PPHLN1: variants seen among roughly 807,000 people sequenced by gnomAD.
The protein encoded by PPHLN1 is periphilin 1.
In PPHLN1, 29 loss-of-function variants were observed where a neutral mutation model predicts 51.3. The observed-to-expected ratio is 0.57, with a 90% CI of 0.42 to 0.77. PPHLN1 has a LOEUF of 0.77. Among genes scored for constraint, PPHLN1 ranks in the 30% least tolerant of loss-of-function variants. PPHLN1 has a pLI of 0.00. For synonymous variants in PPHLN1, 147 were observed against 147.8 expected (o/e 0.99, Z 0.04); for missense variants, 436 against 438.4 (o/e 0.99, Z 0.05).
intron 1 of PPHLN1, among the ~76,000 whole-genome samples, chr12:42,333,635 A>C (rs889208283): frequency 2.6e-5 from 4 of 152,016 alleles, no homozygotes; most frequent in African/African-American, 7.2e-5. Context: ...GGCGCCCGCC[A>C]CCACGCCCAG....
intron 9 of PPHLN1, among the ~76,000 whole-genome samples, chr12:42,423,093 T>A (rs2081142746): frequency 1.3e-5 from 2 of 152,182 alleles, no homozygotes; most frequent in Admixed American, 6.5e-5. Flanking sequence ...TCTCTGATTC[T>A]TGGAAGGAAC....
chr12:42,374,065 T>G (rs1206667131), intron 4 of PPHLN1, among the ~76,000 whole-genome samples: 3 of 152,112 alleles, frequency 2.0e-5, no homozygotes, highest in Non-Finnish European at 4.4e-5. Flanking sequence ...CTCTAGACAA[T>G]GCCACATTGT....
At chr12:42,387,871 CAT>C (rs1035040023) in intron 7 of PPHLN1, among the ~76,000 whole-genome samples, 26 of 152,350 alleles carry the variant, frequency 1.7e-4, no homozygotes, top group African/African-American at 5.8e-4. Context: ...CTCACAAAAA[CAT>C]GTGTTGTATG....
chr12:42,330,422 T>C (rs146607020), intron 1 of PPHLN1, among the ~76,000 whole-genome samples: 14 of 152,308 alleles, frequency 9.2e-5, no homozygotes, highest in East Asian at 1.9e-4. Flanking sequence ...GGCTGTCTCA[T>C]TGGGGAGAAA....
intron 9 of PPHLN1, among the ~76,000 whole-genome samples, chr12:42,418,211 CTTTTTTTTT>C (rs60029170): frequency 1.8e-4 from 18 of 98,352 alleles, no homozygotes; most frequent in South Asian, 1.2e-3. Flanking sequence ...TCCCGGCCCT[CTTTTTTTTT>C]TTTTTTTTTT....
At chr12:42,420,392 G>T (rs2080881845) in intron 9 of PPHLN1, among the ~76,000 whole-genome samples, 2 of 151,184 alleles carry the variant, frequency 1.3e-5, no homozygotes, top group African/African-American at 4.9e-5. Context: ...TTGTGTGTGT[G>T]TGTTTGTCTC....
chr12:42,435,585 T>G (rs1046191499), intron 9 of PPHLN1, among the ~76,000 whole-genome samples: 1 of 152,212 alleles, frequency 6.6e-6, no homozygotes, highest in African/African-American at 2.4e-5. Context: ...GTGTTATCGC[T>G]TTTTTCCTGG....
At chr12:42,333,904 T>G (rs2070193592) in intron 1 of PPHLN1, among the ~76,000 whole-genome samples, 2 of 152,246 alleles carry the variant, frequency 1.3e-5, no homozygotes. Context: ...ATCTTCTTTA[T>G]TTTGAAGGAG....
chr12:42,442,864 T>C (rs919129556), downstream of PPHLN1: 3 of 1,449,218 alleles, frequency 2.1e-6, no homozygotes, highest in African/African-American at 4.3e-5. Flanking sequence ...AAACAACTGC[T>C]TAAAGCTAGC....
chr12:42,390,170 G>T (rs1233287669), intron 7 of PPHLN1, among the ~76,000 whole-genome samples: 1 of 152,062 alleles, frequency 6.6e-6, no homozygotes, highest in South Asian at 2.1e-4. Flanking sequence ...CTGGGTGTCT[G>T]GGGGGCAGCT....
chr12:42,415,471 A>G (rs1210046364), intron 9 of PPHLN1, among the ~76,000 whole-genome samples: 1 of 152,186 alleles, frequency 6.6e-6, no homozygotes, highest in Non-Finnish European at 1.5e-5. Flanking sequence ...GCCCCTAGCC[A>G]AAACCTGTCA....
At chr12:42,398,006 A>G (rs2078426331) in intron 8 of PPHLN1, among the ~76,000 whole-genome samples, 3 of 150,406 alleles carry the variant, frequency 2.0e-5, no homozygotes, top group Non-Finnish European at 4.4e-5. Context: ...TCATACATGT[A>G]TGTGTCAGAA....
intron 4 of PPHLN1, chr12:42,355,429 C>T (rs886107984): frequency 3.6e-5 from 17 of 467,054 alleles, no homozygotes; most frequent in African/African-American, 3.4e-4. Context: ...TTTTGTAACT[C>T]ATAAAAAAAT....
chr12:42,350,759 T>C (rs939196424), intron 2 of PPHLN1, among the ~76,000 whole-genome samples: 9 of 152,134 alleles, frequency 5.9e-5, no homozygotes, highest in African/African-American at 1.9e-4. Flanking sequence ...GGTCAGGAGC[T>C]GGAGACCAGC....
chr12:42,372,117 A>G (rs1005612018), intron 4 of PPHLN1, among the ~76,000 whole-genome samples: 1 of 152,124 alleles, frequency 6.6e-6, no homozygotes, highest in African/African-American at 2.4e-5. Flanking sequence ...GGTGGACACT[A>G]TATACATTAT....
At chr12:42,383,815 C>T (rs2076955467) in intron 5 of PPHLN1, among the ~76,000 whole-genome samples, 1 of 151,416 alleles carries the variant, frequency 6.6e-6, no homozygotes, top group African/African-American at 2.4e-5. Flanking sequence ...CTCGTCTCTA[C>T]TAAAAAATAC....
downstream of PPHLN1, chr12:42,447,941 A>T (rs1593089399): frequency 6.6e-6 from 1 of 152,182 alleles, no homozygotes; most frequent in South Asian, 2.1e-4. Context: ...CTTTTATAAA[A>T]CATAAGCCAA....
intron 5 of PPHLN1, among the ~76,000 whole-genome samples, chr12:42,378,627 TTTAGA>T (rs1794389806): frequency 6.6e-6 from 1 of 152,162 alleles, no homozygotes; most frequent in African/African-American, 2.4e-5. Context: ...TGTTCATACT[TTTAGA>T]TTAATTTTTC....
At chr12:42,338,196 G>A (rs2070978920) in intron 2 of PPHLN1, among the ~76,000 whole-genome samples, 1 of 152,144 alleles carries the variant, frequency 6.6e-6, no homozygotes, top group Admixed American at 6.5e-5. Flanking sequence ...CAAAGTGCTG[G>A]GATTACACGC....
Sources: allele counts gnomAD v4.1 joint callset (sites outside exome capture counted in the v4.1 genomes callset), GRCh38; gene constraint gnomAD v4.1.1; transcripts MANE v1.5; gene names NCBI Gene and HGNC (gene_info 2026-07-23, HGNC 2026-07-21).